The following TRPM3 variants were observed in gnomAD, a reference collection of about 807,000 sequenced individuals.
The protein encoded by TRPM3 is transient receptor potential cation channel subfamily M member 3.
Under a neutral mutation model 181.2 loss-of-function variants are expected in TRPM3, and 77 were observed. That is an observed-to-expected ratio of 0.42 (90% CI 0.35 to 0.51). The LOEUF is 0.51. Among genes scored for constraint, TRPM3 ranks in the 20% least tolerant of loss-of-function variants. The pLI is 0.01. For synonymous variants in TRPM3, 745 were observed against 796.4 expected (o/e 0.94, Z 1.09); for missense variants, 1,759 against 2,196.7 (o/e 0.80, Z 3.98).
At chr9:71,064,855 C>T (rs186342568) in intron 1 of TRPM3, among the ~76,000 whole-genome samples, 3 of 152,196 alleles carry the variant, frequency 2.0e-5, no homozygotes, top group South Asian at 2.1e-4. Flanking sequence ...TGGTTTATTG[C>T]TATCTTCTTA....
intron 6 of TRPM3, among the ~76,000 whole-genome samples, chr9:70,797,300 C>A (rs1180494898): frequency 6.6e-6 from 1 of 152,160 alleles, no homozygotes; most frequent in East Asian, 1.9e-4. Flanking sequence ...AAATGCCCAG[C>A]GTCTGTGCTC....
intron 1 of TRPM3, among the ~76,000 whole-genome samples, chr9:71,057,842 C>CAT (rs1207922904): frequency 2.6e-5 from 4 of 151,984 alleles, no homozygotes; most frequent in African/African-American, 9.7e-5. Flanking sequence ...AAAATAGACT[C>CAT]AAATTTTTAC....
chr9:70,791,364 T>A (rs1328892213), intron 6 of TRPM3, among the ~76,000 whole-genome samples: 1 of 152,200 alleles, frequency 6.6e-6, no homozygotes, highest in Non-Finnish European at 1.5e-5. Flanking sequence ...TACTTATGGT[T>A]CTCTAGACAG....
intron 1 of TRPM3, among the ~76,000 whole-genome samples, chr9:71,358,682 C>T (rs965168654): frequency 6.6e-6 from 1 of 152,082 alleles, no homozygotes; most frequent in Non-Finnish European, 1.5e-5. Context: ...AGTTAGGAAA[C>T]TAGAAAGAAC....
At chr9:70,781,615 G>A (rs1009821177) in intron 7 of TRPM3, among the ~76,000 whole-genome samples, 1 of 152,066 alleles carries the variant, frequency 6.6e-6, no homozygotes, top group Admixed American at 6.6e-5. Flanking sequence ...GAACACTACA[G>A]CACATACCAT....
chr9:71,376,053 T>G (rs1474660268), intron 1 of TRPM3, among the ~76,000 whole-genome samples: 1 of 152,064 alleles, frequency 6.6e-6, no homozygotes, highest in Non-Finnish European at 1.5e-5. Flanking sequence ...TAAAATTAAA[T>G]GATGCATTTA....
chr9:71,175,314 T>C (rs936306708), intron 1 of TRPM3, among the ~76,000 whole-genome samples: 1 of 150,528 alleles, frequency 6.6e-6, no homozygotes, highest in Non-Finnish European at 1.5e-5. Flanking sequence ...TAGGCCTAAT[T>C]CTACCCTTTC....
chr9:70,609,099 T>C (rs1488526516), intron 19 of TRPM3, among the ~76,000 whole-genome samples: 2 of 152,206 alleles, frequency 1.3e-5, no homozygotes, highest in Non-Finnish European at 2.9e-5. Flanking sequence ...TTTTAACACA[T>C]TTAATCTTGA....
At chr9:71,237,263 A>C (rs965586204) in intron 1 of TRPM3, among the ~76,000 whole-genome samples, 1 of 152,224 alleles carries the variant, frequency 6.6e-6, no homozygotes, top group East Asian at 1.9e-4. Flanking sequence ...TGATAATCTT[A>C]AATCAAACAT....
At chr9:71,319,113 T>C (rs1198753934) in intron 1 of TRPM3, among the ~76,000 whole-genome samples, 3 of 152,176 alleles carry the variant, frequency 2.0e-5, no homozygotes, top group Non-Finnish European at 4.4e-5. Flanking sequence ...TCATATAAGG[T>C]CCCTTAGTGG....
intron 1 of TRPM3, among the ~76,000 whole-genome samples, chr9:71,085,180 G>C (rs2065063511): frequency 6.6e-6 from 1 of 151,994 alleles, no homozygotes; most frequent in South Asian, 2.1e-4. Flanking sequence ...AAGAATACTA[G>C]AAGAAAGCCT....
chr9:71,069,541 G>T (rs1001083083), intron 1 of TRPM3, among the ~76,000 whole-genome samples: 1 of 152,068 alleles, frequency 6.6e-6, no homozygotes, highest in African/African-American at 2.4e-5. Flanking sequence ...TTACTATGGG[G>T]GTGGCATGAC....
chr9:70,679,571 T>A (rs1934472), intron 9 of TRPM3, among the ~76,000 whole-genome samples: 1 of 151,488 alleles, frequency 6.6e-6, no homozygotes, highest in African/African-American at 2.4e-5. Flanking sequence ...GATGCGTTTT[T>A]TATCTCCATA....
intron 1 of TRPM3, among the ~76,000 whole-genome samples, chr9:71,030,390 C>A (rs977421077): frequency 1.3e-5 from 2 of 151,988 alleles, no homozygotes; most frequent in African/African-American, 4.8e-5. Context: ...CAAGGTGAAA[C>A]CCCATCTCTA....
intron 1 of TRPM3, among the ~76,000 whole-genome samples, chr9:71,363,807 AG>A: frequency 6.6e-6 from 1 of 152,262 alleles, no homozygotes; most frequent in African/African-American, 2.4e-5. Context: ...TGCTTGCTGA[AG>A]CCTGTCACCT....
chr9:71,314,561 G>A (rs147757240), intron 1 of TRPM3, among the ~76,000 whole-genome samples: 6 of 152,262 alleles, frequency 3.9e-5, no homozygotes, highest in East Asian at 1.9e-4. Context: ...TCTGATGTGC[G>A]TTGACAAGAC....
At chr9:70,787,763 C>CTTTTTTTTTTTTTTTTTTTTTGTTT (rs2084071076) in intron 6 of TRPM3, among the ~76,000 whole-genome samples, 17 of 68,560 alleles carry the variant, frequency 2.5e-4, no homozygotes, top group South Asian at 8.4e-4. Context: ...TTTTTGGATT[C>CTTTTTTTTTTTTTTTTTTTTTGTTT]TTTTTTTTTT....
At chr9:70,855,709 A>G (rs2132258821) in intron 3 of TRPM3, among the ~76,000 whole-genome samples, 1 of 152,166 alleles carries the variant, frequency 6.6e-6, no homozygotes, top group African/African-American at 2.4e-5. Context: ...TCATTTCCTA[A>G]CTCTTTGTAG....
At chr9:70,819,585 A>G (rs534205281) in intron 6 of TRPM3, among the ~76,000 whole-genome samples, 7 of 152,336 alleles carry the variant, frequency 4.6e-5, no homozygotes, top group African/African-American at 1.4e-4. Flanking sequence ...TCTCCAAGCA[A>G]ACTTTGAAAG....
Sources: allele counts gnomAD v4.1 joint callset (sites outside exome capture counted in the v4.1 genomes callset), GRCh38; gene constraint gnomAD v4.1.1; transcripts MANE v1.5; gene names NCBI Gene and HGNC (gene_info 2026-07-23, HGNC 2026-07-21).